The following ARHGAP42 variants were observed in gnomAD, a reference collection of about 807,000 sequenced individuals.
ARHGAP42 encodes the protein rho GTPase-activating protein 42.
Under a neutral mutation model 125.0 loss-of-function variants are expected in ARHGAP42, and 63 were observed. That is an observed-to-expected ratio of 0.50 (90% CI 0.41 to 0.62). ARHGAP42 has a LOEUF of 0.62. Among genes scored for constraint, ARHGAP42 ranks in the 20% least tolerant of loss-of-function variants. The probability of loss-of-function intolerance (pLI) is 0.00; values close to 1 mark genes in which losing one functional copy is unlikely to be tolerated. For missense variants in ARHGAP42, 766 were observed against 1,024.2 expected, an observed-to-expected ratio of 0.75 and a Z score of 3.44; for synonymous variants, 339 against 351.0, an observed-to-expected ratio of 0.97 and a Z score of 0.38.
chr11:100,877,545 T>C (rs897890502), intron 4 of ARHGAP42, among the ~76,000 whole-genome samples: 3 of 152,224 alleles, frequency 2.0e-5, no homozygotes, highest in Non-Finnish European at 4.4e-5. Context: ...TTCTGTAAAA[T>C]TCCTACCTCA....
At chr11:100,714,823 A>G (rs897110153) in intron 1 of ARHGAP42, among the ~76,000 whole-genome samples, 2 of 152,018 alleles carry the variant, frequency 1.3e-5, no homozygotes, top group South Asian at 2.1e-4. Flanking sequence ...TCAGCCTAGG[A>G]GTTCGAGAGC....
chr11:100,750,507 C>T (rs1336944737), intron 1 of ARHGAP42, among the ~76,000 whole-genome samples: 1 of 122,042 alleles, frequency 8.2e-6, no homozygotes, highest in Non-Finnish European at 1.7e-5. Flanking sequence ...CAGGGTGGAG[C>T]ACCTGGACAA....
chr11:100,737,826 G>A (rs940197006), intron 1 of ARHGAP42, among the ~76,000 whole-genome samples: 1 of 152,174 alleles, frequency 6.6e-6, no homozygotes, highest in African/African-American at 2.4e-5. Context: ...GCTGGGAGAG[G>A]ACTTAAAAGG....
intron 21 of ARHGAP42, among the ~76,000 whole-genome samples, chr11:100,977,960 T>G (rs1405084336): frequency 2.0e-5 from 3 of 152,218 alleles, no homozygotes; most frequent in Non-Finnish European, 2.9e-5. Flanking sequence ...TCCTTTTCTC[T>G]GACAGGAACC....
At chr11:100,752,470 G>C (rs1226478997) in intron 1 of ARHGAP42, among the ~76,000 whole-genome samples, 1 of 152,168 alleles carries the variant, frequency 6.6e-6, no homozygotes, top group Non-Finnish European at 1.5e-5. Context: ...TGTACTACTG[G>C]CTGTTCCCTT....
intron 1 of ARHGAP42, among the ~76,000 whole-genome samples, chr11:100,749,105 G>A (rs973640853): frequency 2.8e-4 from 42 of 152,154 alleles, no homozygotes; most frequent in African/African-American, 9.2e-4. Flanking sequence ...GGGAGGGACC[G>A]GTGGGAGTGG....
intron 4 of ARHGAP42, 113 bp from the exon 5 acceptor site, chr11:100,913,339 G>T: frequency 2.9e-6 from 1 of 342,460 alleles, no homozygotes; most frequent in Non-Finnish European, 5.5e-6. Flanking sequence ...CACATAGTTG[G>T]GACTCACTGT....
intron 1 of ARHGAP42, among the ~76,000 whole-genome samples, chr11:100,745,991 G>T (rs1862295244): frequency 6.6e-6 from 1 of 152,092 alleles, no homozygotes; most frequent in African/African-American, 2.4e-5. Context: ...GACCCATAAG[G>T]GGCTTCTTTT....
At chr11:100,762,663 A>C (rs954486729) in intron 1 of ARHGAP42, among the ~76,000 whole-genome samples, 30 of 152,150 alleles carry the variant, frequency 2.0e-4, no homozygotes. Context: ...GTTCAAGTAA[A>C]TGTTAGGAAT....
At chr11:100,725,524 G>A (rs1861839473) in intron 1 of ARHGAP42, among the ~76,000 whole-genome samples, 1 of 151,636 alleles carries the variant, frequency 6.6e-6, no homozygotes, top group African/African-American at 2.4e-5. Context: ...TAGGCATGGA[G>A]AATCACGCCT....
At chr11:100,833,098 C>G (rs569105793) in intron 3 of ARHGAP42, among the ~76,000 whole-genome samples, 3 of 152,208 alleles carry the variant, frequency 2.0e-5, no homozygotes, top group East Asian at 1.9e-4. Flanking sequence ...GCCATTTTTA[C>G]CAAAGGTCAT....
At chr11:100,749,402 G>A (rs912071308) in intron 1 of ARHGAP42, among the ~76,000 whole-genome samples, 5 of 149,650 alleles carry the variant, frequency 3.3e-5, no homozygotes, top group African/African-American at 5.0e-5. Context: ...GGCCTGTCCC[G>A]GAAGACTAAA....
At chr11:100,692,013 G>A (rs563631757) in intron 1 of ARHGAP42, among the ~76,000 whole-genome samples, 1 of 151,870 alleles carries the variant, frequency 6.6e-6, no homozygotes, top group East Asian at 1.9e-4. Flanking sequence ...AATAAAAAAA[G>A]AAATAAATAG....
chr11:100,859,679 C>T, intron 4 of ARHGAP42, 54 bp downstream of exon 4: 1 of 1,296,028 alleles, frequency 7.7e-7, no homozygotes, highest in Non-Finnish European at 1.0e-6. Context: ...TTAAAGATGA[C>T]ATAATTTCAG....
intron 1 of ARHGAP42, among the ~76,000 whole-genome samples, chr11:100,703,633 A>T (rs1326554082): frequency 6.6e-6 from 1 of 152,236 alleles, no homozygotes; most frequent in Admixed American, 6.5e-5. Context: ...TTAAAAAATA[A>T]TTATCTATCT....
At chr11:100,895,220 ATCAT>A (rs143864674) in intron 4 of ARHGAP42, among the ~76,000 whole-genome samples, 1,938 of 152,200 alleles carry the variant, frequency 0.013, 35 homozygotes, top group African/African-American at 0.042. Context: ...TTGGCTAAAC[ATCAT>A]TCATTCATTC....
chr11:100,823,457 C>A lies in ARHGAP42; in HGVS notation c.312+28291C>A, dbSNP rs1184883562. Among the ~76,000 whole-genome samples, 4 of 152,066 alleles carry A rather than the reference C, an allele frequency of 2.6e-5. No homozygotes were observed. The East Asian group carries it at 7.7e-4, about 29-fold the overall frequency. On this transcript the variant is annotated intron_variant, in intron 3 of 23. Transcript: ENST00000298815. ...GTAGAAATCATGTGACATAGATTTT[C>A]TTCTTTAGTTGGCTTCCCTCCATCA...
intron 17 of ARHGAP42, among the ~76,000 whole-genome samples, chr11:100,968,936 G>GT (rs200030677): frequency 4.7e-4 from 16 of 34,134 alleles, no homozygotes; most frequent in African/African-American, 7.5e-4. Flanking sequence ...GTGTTTTTTT[G>GT]TTTTTTTGTG....
chr11:100,845,835 C>T (rs1865053965), intron 3 of ARHGAP42, among the ~76,000 whole-genome samples: 1 of 152,106 alleles, frequency 6.6e-6, no homozygotes, highest in African/African-American at 2.4e-5. Context: ...TCAAAGATGA[C>T]AAGAAGCTGT....
Sources: allele counts gnomAD v4.1 joint callset (sites outside exome capture counted in the v4.1 genomes callset), GRCh38; gene constraint gnomAD v4.1.1; transcripts MANE v1.5; gene names NCBI Gene and HGNC (gene_info 2026-07-23, HGNC 2026-07-21).